FNIP1: variants seen among roughly 807,000 people sequenced by gnomAD.
FNIP1 encodes the protein folliculin-interacting protein 1.
In FNIP1, 40 loss-of-function variants were observed where a neutral mutation model predicts 124.5. That is an observed-to-expected ratio of 0.32 (90% CI 0.25 to 0.42). The LOEUF (loss-of-function observed/expected upper bound fraction) is 0.42, where lower values mean the gene tolerates loss of function less well. FNIP1 is among the 10% of genes least tolerant of loss of function. FNIP1 has a pLI of 1.00. For synonymous variants in FNIP1, 472 were observed against 470.6 expected (o/e 1.00, Z -0.04); for missense variants, 1,176 against 1,403.7 (o/e 0.84, Z 2.59).
chr5:131,652,869 T>G (rs1767081181), intron 15 of FNIP1, among the ~76,000 whole-genome samples: 1 of 151,590 alleles, frequency 6.6e-6, no homozygotes, highest in Non-Finnish European at 1.5e-5. Context: ...GAGGCTGAGG[T>G]GGGATGATTG....
At chr5:131,763,860 A>C (rs1328925424) in intron 1 of FNIP1, among the ~76,000 whole-genome samples, 3 of 152,128 alleles carry the variant, frequency 2.0e-5, no homozygotes, top group Non-Finnish European at 2.9e-5. Context: ...AGTAATTCCT[A>C]ACCATTTCTA....
chr5:131,708,986 C>A (rs1769204926), intron 8 of FNIP1, among the ~76,000 whole-genome samples: 1 of 152,104 alleles, frequency 6.6e-6, no homozygotes, highest in Non-Finnish European at 1.5e-5. Flanking sequence ...GTACTTTACT[C>A]TGGCTTTACT....
chr5:131,642,256 G>A lies in FNIP1; in HGVS notation c.*2429C>T, dbSNP rs138049748. The A allele has an allele frequency of 3.0e-3, 462 of 152,722 alleles. 7 individuals are homozygous for A. The highest frequency in any genetic ancestry group is 3.4e-3 in the Non-Finnish European group (232 of 68,008). The allele number at this position is 152,722 out of a possible 1,614,324, so 9.5% of individuals were successfully genotyped here. A position where few individuals can be genotyped will look rare whatever the true frequency, so the allele number is the denominator to read the frequency against. ...CAGCAGCTCATTCCTTGGGCTTTGC[G>A]TAAGGAAAGAATGACTATGGTGAAG... On this transcript the variant is annotated 3_prime_UTR_variant, in exon 18 of 18. Transcript: ENST00000510461.
intron 13 of FNIP1, among the ~76,000 whole-genome samples, chr5:131,675,258 C>G (rs1011701954): frequency 2.0e-5 from 3 of 152,178 alleles, no homozygotes; most frequent in Non-Finnish European, 2.9e-5. Context: ...CAAAAGTAGG[C>G]TCCCCTGTTG....
chr5:131,753,480 T>A (rs899723355), intron 1 of FNIP1, among the ~76,000 whole-genome samples: 7 of 152,136 alleles, frequency 4.6e-5, no homozygotes, highest in African/African-American at 1.4e-4. Context: ...TACTGTTGCA[T>A]GAAAGAATCC....
chr5:131,769,143 GAGC>G (rs1459133163), intron 1 of FNIP1, among the ~76,000 whole-genome samples: 1 of 152,030 alleles, frequency 6.6e-6, no homozygotes, highest in Non-Finnish European at 1.5e-5. Context: ...CAAGAAAGAA[GAGC>G]AACAAATGGC....
intron 6 of FNIP1, among the ~76,000 whole-genome samples, chr5:131,711,539 G>C (rs924801448): frequency 6.6e-6 from 1 of 152,136 alleles, no homozygotes; most frequent in African/African-American, 2.4e-5. Context: ...TGTCATGTAG[G>C]CTGGAATGCA....
At chr5:131,715,973 G>A (rs1460047938) in intron 6 of FNIP1, among the ~76,000 whole-genome samples, 5 of 152,162 alleles carry the variant, frequency 3.3e-5, no homozygotes, top group Admixed American at 3.3e-4. Context: ...TCGCAATACA[G>A]CAGCAGTTCA....
At chr5:131,670,719 C>CAT in intron 14 of FNIP1, 88 bp from the exon 15 acceptor site, 1 of 960,140 alleles carries the variant, frequency 1.0e-6, no homozygotes, top group Non-Finnish European at 1.5e-6. Flanking sequence ...TCTACTTGTC[C>CAT]ATATTTTACA....
chr5:131,744,828 A>ATTT, intron 1 of FNIP1, 138 bp from the exon 2 acceptor site: 1 of 542,886 alleles, frequency 1.8e-6, no homozygotes, highest in Non-Finnish European at 2.6e-6. Flanking sequence ...TCTTTATATT[A>ATTT]AATATCACCA....
At chr5:131,697,985 A>G (rs9686601) in intron 11 of FNIP1, among the ~76,000 whole-genome samples, 12,062 of 149,914 alleles carry the variant, frequency 0.08, 1,103 homozygotes, top group African/African-American at 0.22. Context: ...AAAAAAAAAA[A>G]AAAAGAAAGA....
chr5:131,776,828 G>A (rs1296900885), intron 1 of FNIP1, among the ~76,000 whole-genome samples: 1 of 152,194 alleles, frequency 6.6e-6, no homozygotes, highest in African/African-American at 2.4e-5. Flanking sequence ...GTTTGCTTGT[G>A]CATCTGGGTG....
rs200042096 is a variant in FNIP1 at position 131,672,363 on chromosome 5, A to G, written c.2081T>C (p.Leu694Ser). 1 of 1,614,208 alleles carries G rather than the reference A, an allele frequency of 6.2e-7. No homozygotes were observed. Residue 694 changes from leucine (L) to serine (S), a missense_variant, in exon 14 of 18, where the codon TTG (leucine) becomes TCG (serine). By Grantham distance (145) the Leu-to-Ser change is moderately radical. Around this residue, in one of 2 missense-constraint regions of FNIP1, gnomAD observed 1,109 missense variants for 1,288.5 expected, o/e 0.86. Coordinates refer to ENST00000510461, the MANE Select transcript of FNIP1 (RefSeq NM_133372.3). ...TGSVPVDKCA[L>S]SESGLESTEE... ...TGTTGACTCTAAGCCTGACTCTGAC[A>G]ATGCACATTTGTCTACTGGAACAGA... is the stretch of plus-strand genomic sequence containing the variant.
chr5:131,790,447 C>G (rs1297023236), intron 1 of FNIP1, among the ~76,000 whole-genome samples: 1 of 143,582 alleles, frequency 7.0e-6, no homozygotes, highest in African/African-American at 2.5e-5. Context: ...CCACCGCTCT[C>G]CCGCCTGGGC....
At chr5:131,704,314 T>G in intron 9 of FNIP1, 48 bp from the exon 10 acceptor site, 4 of 1,438,702 alleles carry the variant, frequency 2.8e-6, no homozygotes, top group Non-Finnish European at 3.8e-6. Context: ...AAAAATAAAT[T>G]CACAATTTAA....
chr5:131,775,672 C>T (rs1366041468), intron 1 of FNIP1, among the ~76,000 whole-genome samples: 7 of 151,476 alleles, frequency 4.6e-5, no homozygotes, highest in African/African-American at 1.2e-4. Flanking sequence ...GGATTGTAGG[C>T]GTCCGCCACC....
In FNIP1 at chr5:131,672,780, T is replaced by C; in HGVS notation, c.1664A>G (p.Glu555Gly). 1 of 1,613,692 alleles carries C rather than the reference T, an allele frequency of 6.2e-7. No homozygotes were observed. Among genetic ancestry groups the C allele is most frequent in the Non-Finnish European group, 8.5e-7 (1 of 1,179,904 alleles). ...CSELQETHLL[E>G]NGEDEAIVMP... ...AACGATGGCTTCATCTTCTCCATTT[T>C]CTAAAAGATGCGTTTCTTGAAGTTC... Residue 555 changes from glutamate (E) to glycine (G), a missense_variant, in exon 14 of 18, where the codon GAA (glutamate) becomes GGA (glycine). Glu to Gly is a moderately conservative substitution (Grantham distance 98). Coordinates refer to ENST00000510461, the MANE Select transcript of FNIP1 (RefSeq NM_133372.3).
At chr5:131,705,279 G>A (rs1769063991) in intron 9 of FNIP1, among the ~76,000 whole-genome samples, 1 of 151,506 alleles carries the variant, frequency 6.6e-6, no homozygotes. Flanking sequence ...TACTAACCTG[G>A]GCAACATGGC....
Position 131,716,607 on chromosome 5 carries a change from C to A in FNIP1, c.580G>T (p.Ala194Ser), listed in dbSNP as rs748142196. ...CCATTAATAACTGTGTTATTATCAG[C>A]CTTTAATGTATTGTTGTCCTGATTG... ...FINQDNNTLKADNNTVINGLL... is the reference protein window; with the variant it reads ...FINQDNNTLKSDNNTVINGLL... Residue 194 changes from alanine to serine, a missense_variant, in exon 6 of 18, where the codon GCT becomes TCT. This residue lies in a region of FNIP1 where 1,109 missense variants were observed against 1,288.5 expected (regional missense o/e 0.86). Coordinates refer to ENST00000510461, the MANE Select transcript of FNIP1 (RefSeq NM_133372.3). The A allele has an allele frequency of 6.2e-7, 1 of 1,607,402 alleles. No homozygotes were observed. Among genetic ancestry groups the A allele is most frequent in the Non-Finnish European group, 8.5e-7 (1 of 1,177,160 alleles).
Sources: allele counts gnomAD v4.1 joint callset (sites outside exome capture counted in the v4.1 genomes callset), GRCh38; gene constraint gnomAD v4.1.1; regional missense constraint gnomAD v4.1.1; transcripts MANE v1.5; gene names NCBI Gene and HGNC (gene_info 2026-07-23, HGNC 2026-07-21).